The following PBX1 variants were observed in gnomAD, a reference collection of about 807,000 sequenced individuals.
PBX1 encodes PBX homeobox 1.
PBX1 carries 6 observed loss-of-function variants against 53.4 expected under a neutral mutation model. The ratio of observed to expected loss-of-function variants is 0.11; its 90% CI spans 0.06 to 0.22. PBX1 has a LOEUF of 0.22. Among genes scored for constraint, PBX1 ranks in the 10% least tolerant of loss-of-function variants. The probability of loss-of-function intolerance (pLI) is 1.00; values close to 1 mark genes in which losing one functional copy is unlikely to be tolerated. For synonymous variants in PBX1, 204 were observed against 212.3 expected, an observed-to-expected ratio of 0.96 and a Z score of 0.34; for missense variants, 251 against 551.4, an observed-to-expected ratio of 0.46 and a Z score of 5.46.
chr1:164,723,978 C>T (rs1489329), intron 2 of PBX1, among the ~76,000 whole-genome samples: 49,713 of 151,808 alleles, frequency 0.33, 8,395 homozygotes, highest in South Asian at 0.46. Context: ...AATCTGCATG[C>T]AGGTTAGGGG....
At chr1:164,710,936 AC>A (rs1234334466) in intron 2 of PBX1, among the ~76,000 whole-genome samples, 1 of 152,120 alleles carries the variant, frequency 6.6e-6, no homozygotes, top group Non-Finnish European at 1.5e-5. Context: ...GCTGTTGTTG[AC>A]CCCATCTGGC....
rs186096131 is a variant in PBX1 at position 164,630,092 on chromosome 1, A to G, written c.265+66781A>G. Among the ~76,000 whole-genome samples, 302 of 152,262 alleles carry G rather than the reference A, an allele frequency of 2.0e-3. 2 individuals are homozygous for G. The highest frequency in any genetic ancestry group is 9.0e-3 in the Admixed American group (138 of 15,296). On this transcript the variant is annotated intron_variant, in intron 2 of 8. Transcript: ENST00000420696. The stretch of plus-strand genomic sequence containing the variant: ...AAATTTTTCCTAATGTTATTTTGCA[A>G]AGTCATTAGAAAACCTAATGCTTGT...
At chr1:164,666,178 T>C (rs1660798482) in intron 2 of PBX1, among the ~76,000 whole-genome samples, 1 of 152,130 alleles carries the variant, frequency 6.6e-6, no homozygotes, top group African/African-American at 2.4e-5. Flanking sequence ...TGCAATACTC[T>C]TGGGGTGACT....
At chr1:164,571,873 GTATATATATATATATATATATA>G (rs59338120) in intron 2 of PBX1, among the ~76,000 whole-genome samples, 31 of 29,902 alleles carry the variant, frequency 1.0e-3, no homozygotes, top group Admixed American at 2.3e-3. Flanking sequence ...TCTGTACATT[GTATATATATATATATATATATA>G]TATATATATA....
At chr1:164,654,079 C>T (rs376973318) in intron 2 of PBX1, among the ~76,000 whole-genome samples, 1 of 152,072 alleles carries the variant, frequency 6.6e-6, no homozygotes, top group Admixed American at 6.5e-5. Context: ...TATCACAAAT[C>T]GGGACTAGAA....
chr1:164,592,690 A>G (rs1216877085), intron 2 of PBX1, among the ~76,000 whole-genome samples: 2 of 152,112 alleles, frequency 1.3e-5, no homozygotes, highest in African/African-American at 4.8e-5. Context: ...AGGATCTACG[A>G]CCACATGTGG....
intron 2 of PBX1, among the ~76,000 whole-genome samples, chr1:164,697,222 T>C (rs1270512783): frequency 6.6e-6 from 1 of 152,216 alleles, no homozygotes; most frequent in Non-Finnish European, 1.5e-5. Context: ...AGGGATTAAA[T>C]AATTTGCCCT....
intron 2 of PBX1, among the ~76,000 whole-genome samples, chr1:164,719,889 A>C (rs138435832): frequency 1.3e-5 from 2 of 152,096 alleles, no homozygotes; most frequent in African/African-American, 4.8e-5. Context: ...AGCCTGGGCA[A>C]ACTCACTCTT....
chr1:164,678,229 C>T lies in PBX1; in HGVS notation c.266-114265C>T, dbSNP rs541047126. On this transcript the variant is annotated intron_variant, in intron 2 of 8. Transcript: ENST00000420696. ...GTGGAACAGATAGAGGAACAAAAGACGCAAAGCTGAAGGCCATATGATGGA... is the reference window on the plus strand; with the variant it reads ...GTGGAACAGATAGAGGAACAAAAGATGCAAAGCTGAAGGCCATATGATGGA... Among the ~76,000 whole-genome samples, 8 of 152,212 alleles carry T rather than the reference C, an allele frequency of 5.3e-5. No individual in the cohort carries two copies. In the South Asian group the frequency reaches 6.2e-4, roughly 12 times the overall value.
chr1:164,774,711 C>T (rs1332970383), intron 2 of PBX1: 1 of 152,180 alleles, frequency 6.6e-6, no homozygotes, highest in Non-Finnish European at 1.5e-5. Context: ...AGGACGTGGG[C>T]ATCAGCTGGA....
At chr1:164,758,351 C>T (rs1025511453) in intron 2 of PBX1, among the ~76,000 whole-genome samples, 3 of 152,174 alleles carry the variant, frequency 2.0e-5, no homozygotes, top group African/African-American at 7.2e-5. Flanking sequence ...AAATCCCACT[C>T]GAGTGACTGC....
At chr1:164,827,460 G>A (rs778619391) in intron 8 of PBX1, among the ~76,000 whole-genome samples, 19 of 152,280 alleles carry the variant, frequency 1.2e-4, no homozygotes, top group Non-Finnish European at 2.4e-4. Context: ...AAGGAAAATC[G>A]AGGGGTCTGA....
intron 2 of PBX1, chr1:164,674,958 T>C (rs1302706793): frequency 6.6e-6 from 1 of 150,658 alleles, no homozygotes; most frequent in Non-Finnish European, 1.5e-5. Context: ...GTGCTTATAG[T>C]TTGCCAAATA....
At chr1:164,723,264 A>G (rs1225638614) in intron 2 of PBX1, among the ~76,000 whole-genome samples, 1 of 152,164 alleles carries the variant, frequency 6.6e-6, no homozygotes, top group African/African-American at 2.4e-5. Flanking sequence ...TCTTAAACCA[A>G]GAAGCCAAAG....
intron 5 of PBX1, among the ~76,000 whole-genome samples, chr1:164,810,571 A>G (rs1310429042): frequency 1.3e-5 from 2 of 151,954 alleles, no homozygotes; most frequent in Admixed American, 1.3e-4. Context: ...CAGCTTGTGC[A>G]GTTATCTGAG....
chr1:164,653,702 G>A (rs976525065), intron 2 of PBX1, among the ~76,000 whole-genome samples: 29 of 152,132 alleles, frequency 1.9e-4, no homozygotes, highest in East Asian at 9.7e-4. Flanking sequence ...CCGGGGAAGC[G>A]GAGGTTGCGG....
chr1:164,621,844 T>C (rs1361413137), intron 2 of PBX1, among the ~76,000 whole-genome samples: 1 of 152,072 alleles, frequency 6.6e-6, no homozygotes, highest in Non-Finnish European at 1.5e-5. Flanking sequence ...ATTTTTTTTT[T>C]CTACAATTTG....
chr1:164,770,073 A>T (rs976389330), intron 2 of PBX1: 3 of 152,212 alleles, frequency 2.0e-5, no homozygotes, highest in Admixed American at 2.0e-4. Flanking sequence ...CTGAAGCTTG[A>T]TGTGTGGGTC....
At chr1:164,655,100 GT>G (rs35954587) in intron 2 of PBX1, among the ~76,000 whole-genome samples, 5,984 of 138,810 alleles carry the variant, frequency 0.043, 198 homozygotes, top group African/African-American at 0.097. Context: ...TCTGATGTGT[GT>G]TTTTTTTTTT....
Sources: allele counts gnomAD v4.1 joint callset (sites outside exome capture counted in the v4.1 genomes callset), GRCh38; gene constraint gnomAD v4.1.1; transcripts MANE v1.5; gene names NCBI Gene and HGNC (gene_info 2026-07-23, HGNC 2026-07-21).